The following NRXN1 variants were observed in gnomAD, a reference collection of about 807,000 sequenced individuals.
NRXN1 encodes neurexin 1, also known as neurexin-1.
Under a neutral mutation model 150.9 loss-of-function variants are expected in NRXN1, and 39 were observed. That is an observed-to-expected ratio of 0.26 (90% CI 0.20 to 0.34). The LOEUF is 0.34. NRXN1 is among the 10% of genes least tolerant of loss of function. NRXN1 has a pLI of 1.00. For synonymous variants in NRXN1, 924 were observed against 757.0 expected (o/e 1.22, Z -3.62); for missense variants, 1,815 against 1,949.9 (o/e 0.93, Z 1.30).
chr2:50,228,259 C>G (rs1449516340), intron 18 of NRXN1, among the ~76,000 whole-genome samples: 2 of 151,976 alleles, frequency 1.3e-5, no homozygotes, highest in Admixed American at 6.6e-5. Context: ...TTTAGTAAAA[C>G]TAATTCCATC....
At chr2:50,297,722 T>C (rs1190452933) in intron 17 of NRXN1, among the ~76,000 whole-genome samples, 1 of 152,160 alleles carries the variant, frequency 6.6e-6, no homozygotes, top group Non-Finnish European at 1.5e-5. Flanking sequence ...TAATTAAAAC[T>C]CTAAAACTCT....
At chr2:50,047,211 T>G (rs1271996438) in intron 21 of NRXN1, among the ~76,000 whole-genome samples, 1 of 152,122 alleles carries the variant, frequency 6.6e-6, no homozygotes, top group South Asian at 2.1e-4. Flanking sequence ...TGAAAAAAAG[T>G]GGGCAGCATA....
chr2:50,215,432 G>C (rs567274458), intron 18 of NRXN1, among the ~76,000 whole-genome samples: 2 of 151,938 alleles, frequency 1.3e-5, no homozygotes, highest in Non-Finnish European at 2.9e-5. Flanking sequence ...AAATATTACA[G>C]CTTCCTGTGT....
At chr2:50,924,828 C>T (rs997951719) in intron 3 of NRXN1, among the ~76,000 whole-genome samples, 1 of 151,600 alleles carries the variant, frequency 6.6e-6, no homozygotes, top group Non-Finnish European at 1.5e-5. Context: ...ATGTTTACCC[C>T]TGCTACTGGT....
At chr2:50,998,549 C>T (rs2105061899) in intron 2 of NRXN1, among the ~76,000 whole-genome samples, 1 of 152,116 alleles carries the variant, frequency 6.6e-6, no homozygotes, top group African/African-American at 2.4e-5. Context: ...CAAAAAGGAA[C>T]TTTGGGTGGA....
At chr2:50,835,611 T>C (rs956435093) in intron 5 of NRXN1, among the ~76,000 whole-genome samples, 1 of 152,082 alleles carries the variant, frequency 6.6e-6, no homozygotes, top group African/African-American at 2.4e-5. Context: ...GCTGAGGAAA[T>C]ATGGATATAA....
At chr2:50,642,972 C>T (rs1301497957) in intron 5 of NRXN1, among the ~76,000 whole-genome samples, 1 of 151,774 alleles carries the variant, frequency 6.6e-6, no homozygotes, top group African/African-American at 2.4e-5. Flanking sequence ...AGATATATTC[C>T]AATAAATTGC....
At chr2:50,378,125 G>A (rs992137209) in intron 17 of NRXN1, among the ~76,000 whole-genome samples, 1 of 152,184 alleles carries the variant, frequency 6.6e-6, no homozygotes, top group African/African-American at 2.4e-5. Flanking sequence ...TGGTAAGCTA[G>A]ATCAGCCATG....
chr2:50,649,666 T>C (rs1297053860), intron 5 of NRXN1, among the ~76,000 whole-genome samples: 1 of 152,024 alleles, frequency 6.6e-6, no homozygotes, highest in Non-Finnish European at 1.5e-5. Context: ...ATACCTACTG[T>C]ATCACTTGAT....
At chr2:50,858,003 T>A (rs1025058995) in intron 5 of NRXN1, among the ~76,000 whole-genome samples, 3 of 152,024 alleles carry the variant, frequency 2.0e-5, no homozygotes, top group African/African-American at 7.2e-5. Flanking sequence ...CAGCTATGGG[T>A]ATCAGAATTT....
At chr2:50,343,327 T>C (rs1039012245) in intron 17 of NRXN1, among the ~76,000 whole-genome samples, 1 of 152,204 alleles carries the variant, frequency 6.6e-6, no homozygotes. Context: ...TCCCCACATA[T>C]GGCACATCAC....
intron 2 of NRXN1, among the ~76,000 whole-genome samples, chr2:50,981,457 CAAAAAAAA>C (rs70958635): frequency 3.0e-4 from 7 of 23,272 alleles, no homozygotes; most frequent in East Asian, 1.9e-3. Flanking sequence ...AACTCTATCT[CAAAAAAAA>C]AAAAAAAAAA....
At chr2:49,983,305 A>G (rs1246324354) in intron 21 of NRXN1, among the ~76,000 whole-genome samples, 1 of 152,188 alleles carries the variant, frequency 6.6e-6, no homozygotes, top group Non-Finnish European at 1.5e-5. Context: ...TATATTAGAC[A>G]TTCAATAAAT....
chr2:50,462,862 C>T (rs1023679345), intron 17 of NRXN1, among the ~76,000 whole-genome samples: 2 of 151,778 alleles, frequency 1.3e-5, no homozygotes, highest in Non-Finnish European at 2.9e-5. Context: ...TCTAGTTACC[C>T]TAACCCACTC....
intron 21 of NRXN1, among the ~76,000 whole-genome samples, chr2:50,046,528 G>T (rs1419596967): frequency 2.0e-5 from 3 of 152,154 alleles, no homozygotes; most frequent in Non-Finnish European, 4.4e-5. Context: ...CCTGTGACAG[G>T]TACTTTGAAC....
chr2:50,568,729 T>C (rs1324903475), intron 8 of NRXN1, among the ~76,000 whole-genome samples: 1 of 152,128 alleles, frequency 6.6e-6, no homozygotes, highest in Non-Finnish European at 1.5e-5. Flanking sequence ...AGAGAACAGT[T>C]TGGAGTTTCC....
chr2:50,981,062 G>A (rs1696704810), intron 2 of NRXN1, among the ~76,000 whole-genome samples: 1 of 152,146 alleles, frequency 6.6e-6, no homozygotes, highest in East Asian at 1.9e-4. Flanking sequence ...TCTCTTCTGT[G>A]ATCACCTATA....
At chr2:50,123,541 A>G (rs1406839163) in intron 18 of NRXN1, among the ~76,000 whole-genome samples, 1 of 152,184 alleles carries the variant, frequency 6.6e-6, no homozygotes, top group Non-Finnish European at 1.5e-5. Context: ...TTTTGAACAG[A>G]TAATTGACAC....
intron 9 of NRXN1, among the ~76,000 whole-genome samples, chr2:50,542,028 T>A (rs1023050851): frequency 6.6e-6 from 1 of 152,168 alleles, no homozygotes; most frequent in African/African-American, 2.4e-5. Context: ...ATGCCTGTAA[T>A]CCCAGCACTT....
Sources: allele counts gnomAD v4.1 joint callset (sites outside exome capture counted in the v4.1 genomes callset), GRCh38; gene constraint gnomAD v4.1.1; transcripts MANE v1.5; gene names NCBI Gene and HGNC (gene_info 2026-07-23, HGNC 2026-07-21).